The following KAZN variants were observed in gnomAD, a reference collection of about 807,000 sequenced individuals.
The protein encoded by KAZN is kazrin, periplakin interacting protein.
In KAZN, 40 loss-of-function variants were observed where a neutral mutation model predicts 87.4. That is an observed-to-expected ratio of 0.46 (90% CI 0.36 to 0.60). KAZN has a LOEUF of 0.60. KAZN is among the 20% of genes least tolerant of loss of function. KAZN has a pLI of 0.00. For missense variants in KAZN, 898 were observed against 1,073.9 expected (o/e 0.84, Z 2.29); for synonymous variants, 466 against 458.3 (o/e 1.02, Z -0.22).
chr1:14,863,035 A>G (rs2101028113), intron 1 of KAZN, among the ~76,000 whole-genome samples: 1 of 151,762 alleles, frequency 6.6e-6, no homozygotes, highest in East Asian at 1.9e-4. Flanking sequence ...CCGTGGTTCC[A>G]TTTATGGATT....
intron 2 of KAZN, among the ~76,000 whole-genome samples, chr1:15,012,130 G>A (rs961615504): frequency 1.3e-5 from 2 of 152,136 alleles, no homozygotes; most frequent in African/African-American, 4.8e-5. Flanking sequence ...TTTTACAAAT[G>A]AGGAAACAGA....
chr1:14,942,211 A>G (rs949308398), intron 1 of KAZN, among the ~76,000 whole-genome samples: 31 of 152,314 alleles, frequency 2.0e-4, no homozygotes, highest in African/African-American at 7.2e-4. Context: ...CCAGCCCTGT[A>G]CGCCCAGGGT....
In KAZN at chr1:15,033,130, G is replaced by A. The variant is rs4367779; in HGVS notation, c.419-1619G>A. ...GATCTAGAGATAAAGTGTATGAGGG[G>A]ATTGTGTAGGTTGTGTGCAAATACT... On this transcript the variant is annotated intron_variant, in intron 2 of 14. Coordinates refer to ENST00000376030, the MANE Select transcript of KAZN (RefSeq NM_201628.3). Among the ~76,000 whole-genome samples, 684 of 152,248 alleles carry A rather than the reference G, an allele frequency of 4.5e-3. 3 individuals are homozygous for A. The highest frequency in any genetic ancestry group is 8.0e-3 in the Non-Finnish European group (541 of 68,026).
rs539099143 is a variant in KAZN, at chr1:14,343,318, T to C, written c.249+162726T>C. ...AGGAAAAAAGATCAGAAAGACGATT[T>C]GAGTCCACTTCACGTTTTCCTGCCA... is the stretch of plus-strand genomic sequence containing the variant. On this transcript the variant is annotated intron_variant, in intron 2 of 16. Transcript: ENST00000636203. 2.6e-5 allele frequency among the ~76,000 whole-genome samples: 4 copies of C among 152,276 alleles called. No homozygotes were observed. The East Asian group carries it at 7.7e-4, about 29-fold the overall frequency.
intron 1 of KAZN, among the ~76,000 whole-genome samples, chr1:13,977,944 G>A (rs1404613853): frequency 2.6e-5 from 4 of 152,026 alleles, no homozygotes; most frequent in Admixed American, 6.6e-5. Context: ...TGGCTAACAC[G>A]GTGAAACCCC....
At chr1:14,588,717 C>T (rs1008533828) in intron 2 of KAZN, among the ~76,000 whole-genome samples, 6 of 152,214 alleles carry the variant, frequency 3.9e-5, no homozygotes, top group Admixed American at 1.3e-4. Context: ...AGGACAAGAA[C>T]CTGGATCTGT....
intron 2 of KAZN, among the ~76,000 whole-genome samples, chr1:14,591,201 G>T (rs566282657): frequency 6.6e-6 from 1 of 152,138 alleles, no homozygotes; most frequent in South Asian, 2.1e-4. Context: ...GCCACCGCAT[G>T]AGAGGGCAAG....
chr1:13,948,050 C>T (rs943117903), intron 1 of KAZN, among the ~76,000 whole-genome samples: 1 of 152,202 alleles, frequency 6.6e-6, no homozygotes, highest in Non-Finnish European at 1.5e-5. Flanking sequence ...TAATCTTTCC[C>T]ATCTCAAGAT....
At chr1:14,799,717 C>T (rs986026692) in intron 1 of KAZN, among the ~76,000 whole-genome samples, 5 of 152,064 alleles carry the variant, frequency 3.3e-5, no homozygotes, top group Admixed American at 2.0e-4. Context: ...AATTAACAAG[C>T]GGATTTTACT....
intron 1 of KAZN, among the ~76,000 whole-genome samples, chr1:13,998,905 G>A (rs1458056624): frequency 4.0e-5 from 6 of 149,260 alleles, no homozygotes; most frequent in South Asian, 2.1e-4. Flanking sequence ...CAAATCAACC[G>A]AATATACATT....
chr1:14,524,108 G>A (rs1003184110), intron 2 of KAZN, among the ~76,000 whole-genome samples: 14 of 152,088 alleles, frequency 9.2e-5, no homozygotes, highest in African/African-American at 3.1e-4. Context: ...TGCAACCTCT[G>A]CCTCCCAGAT....
At chr1:15,041,668 A>G (rs867347198) in intron 3 of KAZN, among the ~76,000 whole-genome samples, 1 of 152,032 alleles carries the variant, frequency 6.6e-6, no homozygotes, top group African/African-American at 2.4e-5. Context: ...GTGATCCCCA[A>G]GTGCTGGCAG....
At chr1:14,188,220 TGTGTGTGTGTGTGTGTGA>T (rs1293798630) in intron 2 of KAZN, among the ~76,000 whole-genome samples, 7 of 140,328 alleles carry the variant, frequency 5.0e-5, no homozygotes, top group Non-Finnish European at 9.4e-5. Context: ...TGTGTGTGTG[TGTGTGTGTGTGTGTGTGA>T]AAGAGAAGCC....
chr1:14,044,084 T>C (rs774529554), intron 1 of KAZN, among the ~76,000 whole-genome samples: 1 of 151,900 alleles, frequency 6.6e-6, no homozygotes, highest in Non-Finnish European at 1.5e-5. Context: ...CAATCATGTT[T>C]GCCTTCTCTG....
At chr1:14,892,646 G>A (rs908616274) in intron 1 of KAZN, among the ~76,000 whole-genome samples, 3 of 152,180 alleles carry the variant, frequency 2.0e-5, no homozygotes, top group African/African-American at 7.2e-5. Flanking sequence ...GCTTTCGAAT[G>A]ACCTCTGTCT....
intron 6 of KAZN, 26 bp from the exon 7 acceptor site, chr1:15,063,546 A>G: frequency 6.2e-7 from 1 of 1,609,202 alleles, no homozygotes; most frequent in Non-Finnish European, 8.5e-7. Flanking sequence ...CTGCTGTTTC[A>G]TCTTCCTCTT....
chr1:14,264,734 A>G (rs948793957), intron 2 of KAZN, among the ~76,000 whole-genome samples: 33 of 152,222 alleles, frequency 2.2e-4, no homozygotes, highest in Non-Finnish European at 1.5e-5. Context: ...ACAATAACAC[A>G]AAACAGACTA....
intron 2 of KAZN, among the ~76,000 whole-genome samples, chr1:14,491,399 C>T (rs1669638656): frequency 6.6e-6 from 1 of 152,116 alleles, no homozygotes; most frequent in South Asian, 2.1e-4. Context: ...GTTTGCTGCA[C>T]CCATCAATCC....
intron 1 of KAZN, among the ~76,000 whole-genome samples, chr1:14,693,350 C>T (rs1377306649): frequency 1.3e-5 from 2 of 152,186 alleles, no homozygotes; most frequent in Non-Finnish European, 2.9e-5. Context: ...GAGGAAGGAA[C>T]CACAGTGCTG....
Sources: allele counts gnomAD v4.1 joint callset (sites outside exome capture counted in the v4.1 genomes callset), GRCh38; gene constraint gnomAD v4.1.1; transcripts MANE v1.5; gene names NCBI Gene and HGNC (gene_info 2026-07-23, HGNC 2026-07-21).